Variants in CDK19 observed in about 807,000 individuals in gnomAD.
CDK19 encodes cyclin-dependent kinase 19.
A neutral mutation model predicts 68.3 loss-of-function variants in CDK19; 20 were observed. The ratio of observed to expected loss-of-function variants is 0.29; its 90% CI spans 0.21 to 0.43. The LOEUF is 0.43. Among genes scored for constraint, CDK19 ranks in the 20% least tolerant of loss-of-function variants. The pLI is 1.00. For missense variants in CDK19, 339 were observed against 623.5 expected (o/e 0.54, Z 4.86); for synonymous variants, 221 against 222.8 (o/e 0.99, Z 0.07).
intron 5 of CDK19, among the ~76,000 whole-genome samples, chr6:110,635,282 C>A (rs994274571): frequency 1.3e-4 from 20 of 152,214 alleles, no homozygotes; most frequent in African/African-American, 4.8e-4. Flanking sequence ...ATGCTAAGTC[C>A]CCTGGGGGAA....
chr6:110,768,998 C>A (rs1258832768), intron 1 of CDK19, among the ~76,000 whole-genome samples: 1 of 150,120 alleles, frequency 6.7e-6, no homozygotes, highest in Non-Finnish European at 1.5e-5. Flanking sequence ...ACTAAAAATA[C>A]AGAAAAATTA....
chr6:110,643,305 G>A, intron 4 of CDK19: 1 of 717,926 alleles, frequency 1.4e-6, no homozygotes, highest in Non-Finnish European at 2.1e-6. Context: ...CTAAAGGTAA[G>A]AACCATAAAA....
chr6:110,655,319 T>C (rs1271702154), intron 4 of CDK19, among the ~76,000 whole-genome samples: 3 of 150,872 alleles, frequency 2.0e-5, no homozygotes, highest in Non-Finnish European at 4.4e-5. Context: ...TGAGCCGAGA[T>C]CGCGCCACTG....
In CDK19 at chr6:110,650,199, G is replaced by C. The variant is rs536665782; in HGVS notation, c.457-11493C>G. ...ACCAGACAAAGCTAAAGAATATACT[G>C]TTTAGACATTTATAAAAATGTGATA... On this transcript the variant is annotated intron_variant, in intron 4 of 12. Coordinates refer to ENST00000368911, the MANE Select transcript of CDK19 (RefSeq NM_015076.5). 1.3e-3 allele frequency among the ~76,000 whole-genome samples: 203 copies of C among 152,226 alleles called. 1 individual carries two copies. The highest frequency in any genetic ancestry group is 4.7e-3 in the African/African-American group (197 of 41,538).
At chr6:110,693,136 C>T (rs1233107596) in intron 2 of CDK19, among the ~76,000 whole-genome samples, 4 of 152,206 alleles carry the variant, frequency 2.6e-5, no homozygotes, top group Non-Finnish European at 5.9e-5. Flanking sequence ...CTTGGACAGA[C>T]AGAACAGCGT....
intron 2 of CDK19, among the ~76,000 whole-genome samples, chr6:110,741,506 C>T (rs1471165546): frequency 1.3e-5 from 2 of 150,786 alleles, no homozygotes; most frequent in East Asian, 3.9e-4. Context: ...GAAATGATGG[C>T]TGAAAACTTT....
chr6:110,636,182 C>A, intron 5 of CDK19, among the ~76,000 whole-genome samples: 1 of 152,226 alleles, frequency 6.6e-6, no homozygotes, highest in Non-Finnish European at 1.5e-5. Context: ...AAGGGGAATA[C>A]AAGATGATGA....
intron 2 of CDK19, among the ~76,000 whole-genome samples, chr6:110,745,132 A>G (rs1777981716): frequency 6.6e-6 from 1 of 152,210 alleles, no homozygotes. Context: ...AACTAAAATA[A>G]GGTAATATAA....
At chr6:110,648,360 CTG>C (rs144472624) in intron 4 of CDK19, among the ~76,000 whole-genome samples, 1,753 of 151,980 alleles carry the variant, frequency 0.012, 41 homozygotes, top group African/African-American at 0.04. Flanking sequence ...GTCTGGCTAA[CTG>C]AATAATATGA....
chr6:110,648,205 G>A (rs577848901), intron 4 of CDK19, among the ~76,000 whole-genome samples: 38 of 152,092 alleles, frequency 2.5e-4, no homozygotes, highest in Middle Eastern at 3.4e-3. Flanking sequence ...ATATAAACCC[G>A]GTACTATAAA....
intron 1 of CDK19, among the ~76,000 whole-genome samples, chr6:110,791,809 T>C (rs1330533047): frequency 4.0e-5 from 6 of 151,848 alleles, no homozygotes; most frequent in African/African-American, 1.5e-4. Flanking sequence ...TAAATAATAA[T>C]AATTACTATT....
intron 1 of CDK19, among the ~76,000 whole-genome samples, chr6:110,808,198 CTAAT>C (rs949489684): frequency 5.3e-5 from 8 of 152,182 alleles, no homozygotes; most frequent in African/African-American, 1.4e-4. Context: ...GTGATAGCTA[CTAAT>C]TAGTTTCTAA....
intron 1 of CDK19, among the ~76,000 whole-genome samples, chr6:110,760,295 G>A (rs1007289195): frequency 1.3e-5 from 2 of 150,148 alleles, no homozygotes; most frequent in African/African-American, 4.9e-5. Flanking sequence ...TACTCAGGAG[G>A]CTGAGGCACA....
chr6:110,668,785 T>C (rs920306648), intron 3 of CDK19, among the ~76,000 whole-genome samples: 12 of 151,770 alleles, frequency 7.9e-5, no homozygotes, highest in African/African-American at 2.4e-4. Context: ...TGAGCTGAGA[T>C]TGCATCACTG....
chr6:110,742,103 T>C (rs1312365252), intron 2 of CDK19, among the ~76,000 whole-genome samples: 1 of 151,856 alleles, frequency 6.6e-6, no homozygotes. Flanking sequence ...AAAACAATGT[T>C]GCGGGAAGTC....
At chr6:110,620,205 T>C (rs1221494300) in intron 12 of CDK19, among the ~76,000 whole-genome samples, 1 of 152,180 alleles carries the variant, frequency 6.6e-6, no homozygotes, top group East Asian at 1.9e-4. Context: ...CTATTCAAAA[T>C]GTGAAGGCAG....
chr6:110,772,369 GA>G (rs1208444479), intron 1 of CDK19, among the ~76,000 whole-genome samples: 4 of 151,906 alleles, frequency 2.6e-5, no homozygotes, highest in South Asian at 2.1e-4. Context: ...CAGTAGGGGG[GA>G]AACCGCCCCC....
Position 110,623,271 on chromosome 6 carries a change from C to G in CDK19, c.933+19G>C. On this transcript the variant is annotated intron_variant, in intron 9 of 12. Coordinates refer to ENST00000368911, the MANE Select transcript of CDK19 (RefSeq NM_015076.5). Reference sequence around the variant, plus strand: ...TTTGTGCTGAGAATCAGATTTTAGTCTGGGAGAGAAGCACCTACCAAGAGG... The same window carrying G: ...TTTGTGCTGAGAATCAGATTTTAGTGTGGGAGAGAAGCACCTACCAAGAGG... 6.2e-7 allele frequency: 1 copy of G among 1,604,834 alleles called. No homozygotes were observed. The highest frequency in any genetic ancestry group is 8.5e-7 in the Non-Finnish European group (1 of 1,172,018).
At chr6:110,798,922 C>T (rs1782148625) in intron 1 of CDK19, among the ~76,000 whole-genome samples, 1 of 151,536 alleles carries the variant, frequency 6.6e-6, no homozygotes, top group African/African-American at 2.4e-5. Flanking sequence ...GCAGGCAGAT[C>T]ACCTGAGCCC....
Sources: gnomAD v4.1 joint callset for allele counts (sites outside exome capture counted in the v4.1 genomes callset) on GRCh38, gnomAD v4.1.1 for gene constraint, MANE v1.5 for transcripts, NCBI Gene and HGNC (gene_info 2026-07-23, HGNC 2026-07-21) for gene names.